The following MEGF11 variants were observed in gnomAD, a reference collection of about 807,000 sequenced individuals.
The protein encoded by MEGF11 is multiple EGF like domains 11, also known as multiple epidermal growth factor-like domains protein 11.
Under a neutral mutation model 146.6 loss-of-function variants are expected in MEGF11, and 126 were observed. The ratio of observed to expected loss-of-function variants is 0.86; its 90% CI spans 0.74 to 1.00. The LOEUF is 1.00. Ranked by LOEUF, MEGF11 falls within the 50% of genes least tolerant of loss-of-function variation. The pLI is 0.00. For synonymous variants in MEGF11, 532 were observed against 583.4 expected (o/e 0.91, Z 1.27); for missense variants, 1,509 against 1,521.2 (o/e 0.99, Z 0.13).
intron 4 of MEGF11, among the ~76,000 whole-genome samples, chr15:66,113,187 G>A (rs2087526653): frequency 6.6e-6 from 1 of 152,068 alleles, no homozygotes; most frequent in Admixed American, 6.5e-5. Flanking sequence ...CTCAGCTGCT[G>A]GCTCCCTCGG....
intron 10 of MEGF11, among the ~76,000 whole-genome samples, chr15:65,948,118 C>T (rs995552706): frequency 8.5e-5 from 13 of 152,110 alleles, no homozygotes; most frequent in African/African-American, 1.7e-4. Flanking sequence ...GTGCCCCCAC[C>T]GACCTGCCAC....
intron 5 of MEGF11, among the ~76,000 whole-genome samples, chr15:66,024,909 C>T (rs560578101): frequency 6.6e-6 from 1 of 152,206 alleles, no homozygotes; most frequent in East Asian, 1.9e-4. Context: ...GGACTGGGCA[C>T]CTATTTGGGT....
At chr15:65,987,071 C>A (rs904351947) in intron 5 of MEGF11, among the ~76,000 whole-genome samples, 1 of 152,148 alleles carries the variant, frequency 6.6e-6, no homozygotes, top group Admixed American at 6.5e-5. Context: ...CTGACTGCTT[C>A]AGACTTTGGG....
intron 10 of MEGF11, among the ~76,000 whole-genome samples, chr15:65,949,677 T>A (rs2080322732): frequency 6.6e-6 from 1 of 152,164 alleles, no homozygotes; most frequent in African/African-American, 2.4e-5. Context: ...CCCCTTATCT[T>A]CCAGACACGC....
At chr15:66,227,089 G>C (rs1376338078) in intron 1 of MEGF11, among the ~76,000 whole-genome samples, 1 of 152,172 alleles carries the variant, frequency 6.6e-6, no homozygotes, top group African/African-American at 2.4e-5. Flanking sequence ...ACATCTCTGA[G>C]GATTTCTACA....
At chr15:66,045,426 G>C (rs333600) in intron 5 of MEGF11, among the ~76,000 whole-genome samples, 148,951 of 152,272 alleles carry the variant, frequency 0.98, 72,936 homozygotes, top group Middle Eastern at 1. Context: ...ACTTTCTGAG[G>C]GCTCGCCTGC....
Position 65,974,733 on chromosome 15 carries a change from C to G in MEGF11, c.763-4044G>C, listed in dbSNP as rs138480268. Among the ~76,000 whole-genome samples, 652 of 152,202 alleles carry G rather than the reference C, an allele frequency of 4.3e-3. 5 individuals are homozygous for G. The highest frequency in any genetic ancestry group is 0.01 in the Middle Eastern group (3 of 294). On this transcript the variant is annotated intron_variant, in intron 7 of 25. Transcript: ENST00000395614. ...GGGGTACTCCAGGCATGGCGGGGGCCTCTCTCAGTGCACATTATAAGTTCT... is the reference window on the plus strand; with the variant it reads ...GGGGTACTCCAGGCATGGCGGGGGCGTCTCTCAGTGCACATTATAAGTTCT...
chr15:66,076,732 T>C (rs2085604144), intron 5 of MEGF11, among the ~76,000 whole-genome samples: 1 of 152,192 alleles, frequency 6.6e-6, no homozygotes, highest in Non-Finnish European at 1.5e-5. Context: ...GGCCAGGACA[T>C]GTCCAACCTG....
intron 1 of MEGF11, among the ~76,000 whole-genome samples, chr15:66,187,753 A>G (rs1315752998): frequency 6.6e-6 from 1 of 150,722 alleles, no homozygotes; most frequent in Non-Finnish European, 1.5e-5. Context: ...GCTTCAGTCC[A>G]TTTCCATGTA....
At chr15:65,976,802 C>G (rs1034590907) in intron 7 of MEGF11, among the ~76,000 whole-genome samples, 4 of 152,130 alleles carry the variant, frequency 2.6e-5, no homozygotes, top group African/African-American at 9.7e-5. Context: ...TTCTGTTCCT[C>G]TCAGAACTGG....
intron 5 of MEGF11, among the ~76,000 whole-genome samples, chr15:66,008,409 GCGCACACACACA>G (rs1455750733): frequency 6.4e-5 from 3 of 46,536 alleles, no homozygotes; most frequent in African/African-American, 1.8e-4. Flanking sequence ...ACACGCGCGC[GCGCACACACACA>G]CACACACACA....
chr15:65,999,685 T>C (rs1054690234), intron 5 of MEGF11, among the ~76,000 whole-genome samples: 3 of 152,202 alleles, frequency 2.0e-5, no homozygotes, highest in Non-Finnish European at 4.4e-5. Flanking sequence ...CAGGATATGA[T>C]ACAAAAGTAC....
At chr15:66,186,763 C>T (rs990921583) in intron 1 of MEGF11, among the ~76,000 whole-genome samples, 15 of 152,252 alleles carry the variant, frequency 9.9e-5, no homozygotes, top group African/African-American at 3.1e-4. Flanking sequence ...ATGGTCTAGA[C>T]AGGTTTTCTC....
At chr15:66,069,286 T>C (rs1303794776) in intron 5 of MEGF11, among the ~76,000 whole-genome samples, 1 of 152,218 alleles carries the variant, frequency 6.6e-6, no homozygotes, top group Non-Finnish European at 1.5e-5. Context: ...TTATATGTGA[T>C]GCTTTTCTCT....
intron 10 of MEGF11, among the ~76,000 whole-genome samples, chr15:65,948,739 T>C (rs1479246532): frequency 6.6e-6 from 1 of 152,216 alleles, no homozygotes; most frequent in African/African-American, 2.4e-5. Context: ...TCCTGTTTTA[T>C]TGATGAAAAA....
chr15:66,047,189 A>G (rs187336180), intron 5 of MEGF11, among the ~76,000 whole-genome samples: 83 of 152,374 alleles, frequency 5.4e-4, no homozygotes, highest in African/African-American at 2.0e-3. Context: ...CCTGCTGTGT[A>G]GAACAGGCAT....
intron 24 of MEGF11, chr15:65,905,655 C>G (rs983369671): frequency 1.1e-4 from 17 of 158,050 alleles, no homozygotes; most frequent in Non-Finnish European, 2.2e-4. Flanking sequence ...CACTGCGTAT[C>G]ATTTTCATTC....
intron 1 of MEGF11, among the ~76,000 whole-genome samples, chr15:66,243,478 G>A (rs973819806): frequency 6.6e-6 from 1 of 152,210 alleles, no homozygotes; most frequent in Non-Finnish European, 1.5e-5. Flanking sequence ...TTCCAGGGGT[G>A]CAGAAGGGCG....
At chr15:65,917,122 A>C (rs2079026510) in intron 16 of MEGF11, among the ~76,000 whole-genome samples, 166 bp from the exon 17 acceptor site, 1 of 152,016 alleles carries the variant, frequency 6.6e-6, no homozygotes, top group African/African-American at 2.4e-5. Context: ...TCCTGCACTT[A>C]CTTCTTGGCT....
Sources: allele counts gnomAD v4.1 joint callset (sites outside exome capture counted in the v4.1 genomes callset), GRCh38; gene constraint gnomAD v4.1.1; transcripts MANE v1.5; gene names NCBI Gene and HGNC (gene_info 2026-07-23, HGNC 2026-07-21).